CD28: variants seen among roughly 807,000 people sequenced by gnomAD.
CD28 encodes the protein T-cell-specific surface glycoprotein CD28.
Under a neutral mutation model 21.4 loss-of-function variants are expected in CD28, and 8 were observed. The ratio of observed to expected loss-of-function variants is 0.37; its 90% confidence interval spans 0.22 to 0.68. The LOEUF (loss-of-function observed/expected upper bound fraction) is 0.68. Among genes scored for constraint, CD28 ranks in the 30% least tolerant of loss-of-function variants. The pLI is 0.55. For synonymous variants in CD28, 106 were observed against 104.0 expected, an observed-to-expected ratio of 1.02 and a Z score of -0.12; for missense variants, 239 against 272.2, an observed-to-expected ratio of 0.88 and a Z score of 0.86.
intron 3 of CD28, 92 bp downstream of exon 3, chr2:203,729,864 G>A: frequency 7.8e-7 from 1 of 1,277,002 alleles, no homozygotes; most frequent in Non-Finnish European, 1.1e-6. Flanking sequence ...TTTATTTTCT[G>A]TTTAATATAG....
In CD28 at chr2:203,736,843, G is replaced by A. The variant is rs200735909; in HGVS notation, c.*1931G>A. On this transcript the variant is annotated 3_prime_UTR_variant, in exon 4 of 4. Transcript: ENST00000324106. The stretch of plus-strand genomic sequence containing the variant: ...ATAGTATAATCTCCATAAGGGCATG[G>A]CCCAAGTCTGTCTTTGACTCTGCCT... 2.0e-5 allele frequency: 3 copies of A among 152,204 alleles called. No homozygotes were observed. The highest frequency in any genetic ancestry group is 4.4e-5 in the Non-Finnish European group (3 of 68,038). The allele number at this position is 152,204 out of a possible 1,614,324, so 9.4% of individuals were successfully genotyped here.
rs1011726734 is a variant in CD28, at chr2:203,737,405, A to C, written c.*2493A>C. Reference sequence around the variant, plus strand: ...ATGACAGAGCTGGAGAGTTTTTTGAAATGGCAGTGGCAAATAAATAAATAC... The same window carrying C: ...ATGACAGAGCTGGAGAGTTTTTTGACATGGCAGTGGCAAATAAATAAATAC... On this transcript the variant is annotated 3_prime_UTR_variant, in exon 4 of 4. Transcript: ENST00000324106. 1 of 152,072 alleles carries C rather than the reference A, an allele frequency of 6.6e-6. No homozygotes were observed. The highest frequency in any genetic ancestry group is 1.5e-5 in the Non-Finnish European group (1 of 67,992). The allele number at this position is 152,072 out of a possible 1,614,324, so 9.4% of individuals were successfully genotyped here. A position where few individuals can be genotyped will look rare whatever the true frequency, so the allele number is the denominator to read the frequency against.
At chr2:203,732,818 G>A (rs190646492) in intron 3 of CD28, among the ~76,000 whole-genome samples, 1 of 152,358 alleles carries the variant, frequency 6.6e-6, no homozygotes, top group Admixed American at 6.5e-5. Context: ...CCACTGCTGT[G>A]TTTAGAGTTA....
At chr2:203,717,801 A>G (rs1292977540) in intron 1 of CD28, among the ~76,000 whole-genome samples, 1 of 152,140 alleles carries the variant, frequency 6.6e-6, no homozygotes, top group Non-Finnish European at 1.5e-5. Context: ...GGACCACTGT[A>G]TATGCATGTT....
At chr2:203,717,085 G>A (rs868126477) in intron 1 of CD28, among the ~76,000 whole-genome samples, 13 of 152,116 alleles carry the variant, frequency 8.5e-5, no homozygotes, top group Non-Finnish European at 1.5e-4. Context: ...GGGTTCAAGC[G>A]ATCCACCTGT....
intron 3 of CD28, among the ~76,000 whole-genome samples, chr2:203,730,594 T>C (rs1693864546): frequency 6.6e-6 from 1 of 152,188 alleles, no homozygotes; most frequent in Non-Finnish European, 1.5e-5. Flanking sequence ...GTTACATGCA[T>C]GGATGAGTCA....
At chr2:203,721,597 A>G (rs1316480739) in intron 1 of CD28, among the ~76,000 whole-genome samples, 1 of 151,992 alleles carries the variant, frequency 6.6e-6, no homozygotes, top group Non-Finnish European at 1.5e-5. Context: ...CGTCTTAGCC[A>G]GGCTAACTTT....
chr2:203,720,779 T>C (rs3116486), intron 1 of CD28, among the ~76,000 whole-genome samples: 21,960 of 152,252 alleles, frequency 0.14, 1,765 homozygotes, highest in Middle Eastern at 0.19. Flanking sequence ...TGTGCATTTT[T>C]ACACATGCCC....
At chr2:203,725,543 A>G (rs1693720873) in intron 1 of CD28, among the ~76,000 whole-genome samples, 1 of 152,168 alleles carries the variant, frequency 6.6e-6, no homozygotes, top group African/African-American at 2.4e-5. Context: ...TACCATGGGA[A>G]ATGAGATCAA....
intron 1 of CD28, among the ~76,000 whole-genome samples, chr2:203,721,261 A>G (rs1693598304): frequency 2.0e-5 from 3 of 152,218 alleles, no homozygotes; most frequent in Non-Finnish European, 4.4e-5. Flanking sequence ...ATCGAAAACA[A>G]ATAGTTTTCA....
rs144786479 is a variant in CD28 at position 203,730,157 on chromosome 2, A to G, written c.534+385A>G. Among the ~76,000 whole-genome samples, 39 of 152,328 alleles carry G rather than the reference A, an allele frequency of 2.6e-4. 1 individual carries two copies. The highest frequency in any genetic ancestry group is 9.1e-4 in the African/African-American group (38 of 41,572). On this transcript the variant is annotated intron_variant, in intron 3 of 3. Transcript: ENST00000324106. ...GAAGCTAGGCAACTGAAGCCAATGG[A>G]CAATGTTGGCTTGATCAAAAATCAT...
intron 1 of CD28, among the ~76,000 whole-genome samples, chr2:203,717,132 C>T (rs1350584415): frequency 6.6e-6 from 1 of 152,190 alleles, no homozygotes; most frequent in African/African-American, 2.4e-5. Context: ...CAGGTGTAAT[C>T]CACTGTGCCA....
rs1313627922 is a variant in CD28, at chr2:203,734,821, A to G, written c.572A>G (p.Tyr191Cys). The G allele has an allele frequency of 2.5e-6, 4 of 1,614,194 alleles. No individual in the cohort carries two copies. Among genetic ancestry groups the G allele is most frequent in the African/African-American group, 1.3e-5 (1 of 75,064 alleles). ...SKRSRLLHSDYMNMTPRRPGP... is the reference protein window; with the variant it reads ...SKRSRLLHSDCMNMTPRRPGP... ...AGGAGCAGGCTCCTGCACAGTGACT[A>G]CATGAACATGACTCCCCGCCGCCCC... Residue 191 changes from tyrosine to cysteine, a missense_variant, in exon 4 of 4, where the codon TAC (tyrosine) becomes TGC (cysteine). Physicochemically the swap from Tyr to Cys is radical, Grantham distance 194 (BLOSUM62 -2). This residue lies in a region of CD28 where 112 missense variants were observed against 112.8 expected (regional missense o/e 0.99). Coordinates refer to ENST00000324106, the MANE Select transcript of CD28 (RefSeq NM_006139.4).
intron 1 of CD28, among the ~76,000 whole-genome samples, chr2:203,725,121 C>T (rs1693706623): frequency 6.6e-6 from 1 of 151,958 alleles, no homozygotes; most frequent in South Asian, 2.1e-4. Context: ...GAAACCCCGT[C>T]TCTACTAAAA....
At position 203,708,886 on chromosome 2, in the gene CD28, G is replaced by A. The variant is rs1693234038; in HGVS notation, c.52+2138G>A. 3.9e-5 allele frequency among the ~76,000 whole-genome samples: 6 copies of A among 152,282 alleles called. 1 individual carries two copies. In the South Asian group the frequency reaches 1.2e-3, roughly 32 times the overall value. On this transcript the variant is annotated intron_variant, in intron 1 of 3. Transcript: ENST00000324106. ...CTCACGCCTGTAATCGTGGGACGCT[G>A]AGGCGGGTGGATCACTTGAGGTCAG...
chr2:203,729,538 T>C, intron 2 of CD28, 110 bp from the exon 3 acceptor site: 6 of 1,118,824 alleles, frequency 5.4e-6, no homozygotes, highest in Non-Finnish European at 7.8e-6. Context: ...AAGCTGGTGA[T>C]ATGTTTAATA....
rs1694084691 is a variant in CD28, at chr2:203,738,069, A to G, written c.*3157A>G. 2 of 152,154 alleles carry G rather than the reference A, an allele frequency of 1.3e-5. No homozygotes were observed. Among genetic ancestry groups the G allele is most frequent in the South Asian group, 4.1e-4 (2 of 4,834 alleles). 9.4% of individuals were successfully genotyped at this position (152,154 alleles called of 1,614,324 possible). A position where few individuals can be genotyped will look rare whatever the true frequency, so the allele number is the denominator to read the frequency against. On this transcript the variant is annotated 3_prime_UTR_variant, in exon 4 of 4. Coordinates refer to ENST00000324106, the MANE Select transcript of CD28 (RefSeq NM_006139.4). The stretch of plus-strand genomic sequence containing the variant: ...GTTTCTGGTTTGTTTGCTTGACTTC[A>G]GTCACAATTTCTTATCAGACCAATG...
intron 1 of CD28, among the ~76,000 whole-genome samples, chr2:203,710,913 A>G (rs981321325): frequency 5.3e-5 from 8 of 152,166 alleles, no homozygotes; most frequent in Non-Finnish European, 7.3e-5. Context: ...TTTTTCTTCA[A>G]GAAATTTATT....
In CD28 at chr2:203,709,931, T is replaced by C. The variant is rs558455117; in HGVS notation, c.52+3183T>C. On this transcript the variant is annotated intron_variant, in intron 1 of 3. Coordinates refer to ENST00000324106, the MANE Select transcript of CD28 (RefSeq NM_006139.4). ...CTCCAGCGCCTTCCCTTAGCGCTTA[T>C]TTTTCTGAGAGAGGCATGGAAAGCA... Among the ~76,000 whole-genome samples the C allele has an allele frequency of 2.6e-5, 4 of 152,320 alleles. No individual in the cohort carries two copies. The East Asian group carries it at 7.7e-4, about 29-fold the overall frequency.
Sources: gnomAD v4.1 joint callset for allele counts (sites outside exome capture counted in the v4.1 genomes callset) on GRCh38, gnomAD v4.1.1 for gene constraint, gnomAD v4.1.1 regional missense constraint, MANE v1.5 for transcripts, NCBI Gene and HGNC (gene_info 2026-07-23, HGNC 2026-07-21) for gene names.